SEL1L2: variants seen among roughly 807,000 people sequenced by gnomAD.
SEL1L2 encodes SEL1L2 adaptor subunit of SYVN1 ubiquitin ligase.
Under a neutral mutation model 98.8 loss-of-function variants are expected in SEL1L2, and 89 were observed. The ratio of observed to expected loss-of-function variants is 0.90; its 90% CI spans 0.76 to 1.07. The LOEUF is 1.07. Among genes scored for constraint, SEL1L2 ranks in the 50% least tolerant of loss-of-function variants. The pLI is 0.00. For synonymous variants in SEL1L2, 262 were observed against 278.5 expected (o/e 0.94, Z 0.59); for missense variants, 788 against 812.0 (o/e 0.97, Z 0.36).
At chr20:13,925,192 C>T (rs2048834037) in intron 3 of SEL1L2, among the ~76,000 whole-genome samples, 1 of 152,102 alleles carries the variant, frequency 6.6e-6, no homozygotes. Context: ...TGTGTAGTCA[C>T]TTGTGTATTT....
intron 2 of SEL1L2, among the ~76,000 whole-genome samples, chr20:13,945,223 T>C (rs1390766289): frequency 6.6e-6 from 1 of 152,200 alleles, no homozygotes; most frequent in Non-Finnish European, 1.5e-5. Context: ...AGCTTTTTCA[T>C]TAGTTTGGTG....
At chr20:13,883,218 C>G (rs1293632025) in intron 10 of SEL1L2, among the ~76,000 whole-genome samples, 3 of 152,120 alleles carry the variant, frequency 2.0e-5, no homozygotes, top group South Asian at 4.1e-4. Flanking sequence ...TGTGCTTACC[C>G]GCAAAGAGTA....
At chr20:13,927,280 C>T (rs1482259978) in intron 3 of SEL1L2, among the ~76,000 whole-genome samples, 1 of 152,150 alleles carries the variant, frequency 6.6e-6, no homozygotes, top group African/African-American at 2.4e-5. Flanking sequence ...TAGTTTACAT[C>T]CTAGCTCTCT....
chr20:13,855,150 G>T (rs549791246), intron 18 of SEL1L2, among the ~76,000 whole-genome samples: 1 of 152,136 alleles, frequency 6.6e-6, no homozygotes, highest in Non-Finnish European at 1.5e-5. Flanking sequence ...GTCTTCAATG[G>T]GCATAAATAT....
intron 3 of SEL1L2, among the ~76,000 whole-genome samples, chr20:13,926,809 A>T (rs190623081): frequency 6.6e-6 from 1 of 152,330 alleles, no homozygotes; most frequent in African/African-American, 2.4e-5. Flanking sequence ...AGCAGCAAAA[A>T]GGAATGCCAA....
chr20:13,872,442 G>A lies in SEL1L2; in HGVS notation c.1105-2239C>T, dbSNP rs546076580. On this transcript the variant is annotated intron_variant, in intron 12 of 19. Transcript: ENST00000284951. ...TTGCTCGGCACTTCTCCTTGCTGCC[G>A]CCATGTGAAGAAGGACGTGGTTGCT... 8.8e-4 allele frequency among the ~76,000 whole-genome samples: 134 copies of A among 152,222 alleles called. 1 individual carries two copies. The highest frequency in any genetic ancestry group is 2.2e-3 in the Admixed American group (33 of 15,296).
At chr20:13,982,616 TA>T (rs1303823671) in intron 1 of SEL1L2, among the ~76,000 whole-genome samples, 1 of 150,124 alleles carries the variant, frequency 6.7e-6, no homozygotes, top group Non-Finnish European at 1.5e-5. Flanking sequence ...AAGAGAGATG[TA>T]AATAAATAAA....
At position 13,966,879 on chromosome 20, in the gene SEL1L2, C is replaced by CTTTT. The variant is rs35292120; in HGVS notation, c.59-10752_59-10749dup. On this transcript the variant is annotated intron_variant, in intron 1 of 19. Coordinates refer to ENST00000284951, the MANE Select transcript of SEL1L2 (RefSeq NM_025229.2). ...TCTTTCTCTGTTACCAGAGACCTGT[C>CTTTT]TTTTTTTTTTTTTTTTTTTTGAGAT... Among the ~76,000 whole-genome samples the CTTTT allele has an allele frequency of 1.7e-3, 181 of 104,108 alleles. 2 individuals are homozygous for CTTTT. Among genetic ancestry groups the CTTTT allele is most frequent in the Non-Finnish European group, 2.4e-3 (131 of 55,712 alleles). The allele number at this position is 104,108 out of a possible 152,430, so 68.3% of individuals were successfully genotyped here.
intron 18 of SEL1L2, among the ~76,000 whole-genome samples, chr20:13,852,658 TA>T (rs1988459708): frequency 6.6e-6 from 1 of 152,374 alleles, no homozygotes; most frequent in East Asian, 1.9e-4. Context: ...AGAGGTTATG[TA>T]AACCGAGCTG....
intron 1 of SEL1L2, among the ~76,000 whole-genome samples, chr20:13,974,475 C>CTTTTTTTTTT (rs11484437): frequency 3.7e-5 from 3 of 80,186 alleles, no homozygotes; most frequent in South Asian, 5.4e-4. Flanking sequence ...CTCTCTCTCT[C>CTTTTTTTTTT]TTTTTTTTTT....
chr20:13,953,160 G>GT (rs1023994787), intron 2 of SEL1L2, among the ~76,000 whole-genome samples: 5 of 152,146 alleles, frequency 3.3e-5, no homozygotes, highest in Non-Finnish European at 5.9e-5. Context: ...AAGGGTAAAA[G>GT]TTTTTTTTAC....
chr20:13,992,636 C>T (rs998090208), upstream of SEL1L2, among the ~76,000 whole-genome samples: 3 of 152,076 alleles, frequency 2.0e-5, no homozygotes, highest in African/African-American at 4.8e-5. Context: ...GATAGTCACT[C>T]CATTCTTAAT....
At chr20:13,939,563 A>G (rs769148174) in intron 2 of SEL1L2, among the ~76,000 whole-genome samples, 1 of 152,140 alleles carries the variant, frequency 6.6e-6, no homozygotes, top group Non-Finnish European at 1.5e-5. Context: ...TTTCAATAGC[A>G]GCAACATGAC....
intron 2 of SEL1L2, among the ~76,000 whole-genome samples, chr20:13,939,035 G>GTTTTTTTTTT (rs779584914): frequency 0.018 from 564 of 31,212 alleles, 47 homozygotes; most frequent in Middle Eastern, 0.037. Context: ...TTGTTTGCTT[G>GTTTTTTTTTT]TTTTGTTTTT....
intron 1 of SEL1L2, among the ~76,000 whole-genome samples, chr20:13,984,014 G>A (rs966263494): frequency 9.8e-5 from 8 of 81,594 alleles, no homozygotes; most frequent in African/African-American, 3.1e-4. Context: ...ATTGAAATCA[G>A]ATTCCTTTTT....
chr20:13,932,595 C>T (rs1417907956), intron 2 of SEL1L2, among the ~76,000 whole-genome samples: 1 of 151,906 alleles, frequency 6.6e-6, no homozygotes, highest in South Asian at 2.1e-4. Context: ...CCGTGCCTAG[C>T]TAATTTTTGT....
chr20:13,899,324 T>G, intron 5 of SEL1L2, among the ~76,000 whole-genome samples: 1 of 152,216 alleles, frequency 6.6e-6, no homozygotes, highest in Non-Finnish European at 1.5e-5. Flanking sequence ...TACATTTTGC[T>G]AATAATTTCA....
chr20:13,929,257 AT>A (rs200591934), intron 3 of SEL1L2, among the ~76,000 whole-genome samples: 24,120 of 147,738 alleles, frequency 0.16, 2,057 homozygotes, highest in Admixed American at 0.23. Flanking sequence ...ATCTCCTACT[AT>A]TTTTTTTTTT....
chr20:13,906,880 T>C (rs912818450), intron 5 of SEL1L2, among the ~76,000 whole-genome samples: 1 of 152,084 alleles, frequency 6.6e-6, no homozygotes, highest in South Asian at 2.1e-4. Context: ...AGGTTCACCA[T>C]GTTGGCCAGG....
Sources: allele counts gnomAD v4.1 joint callset (sites outside exome capture counted in the v4.1 genomes callset), GRCh38; gene constraint gnomAD v4.1.1; transcripts MANE v1.5; gene names NCBI Gene and HGNC (gene_info 2026-07-23, HGNC 2026-07-21).